PDXDC1: variants seen among roughly 807,000 people sequenced by gnomAD.
The protein encoded by PDXDC1 is pyridoxal dependent decarboxylase domain containing 1.
PDXDC1 carries 42 observed loss-of-function variants against 100.1 expected under a neutral mutation model. That is an observed-to-expected ratio of 0.42 (90% CI 0.33 to 0.54). The LOEUF is 0.54. Among genes scored for constraint, PDXDC1 ranks in the 20% least tolerant of loss-of-function variants. PDXDC1 has a pLI of 0.10. For missense variants in PDXDC1, 636 were observed against 979.2 expected, an observed-to-expected ratio of 0.65 and a Z score of 4.68; for synonymous variants, 260 against 371.7, an observed-to-expected ratio of 0.70 and a Z score of 3.46.
intron 16 of PDXDC1, chr16:15,127,349 C>A (rs1439040974): frequency 1.4e-6 from 1 of 710,784 alleles, no homozygotes; most frequent in South Asian, 1.5e-5. Context: ...TGACCCTTCC[C>A]GAGCAGCCTT....
At chr16:15,112,025 T>A (rs1386534489) in intron 16 of PDXDC1, among the ~76,000 whole-genome samples, 1 of 147,302 alleles carries the variant, frequency 6.8e-6, no homozygotes, top group African/African-American at 2.4e-5. Context: ...TTCCCTCACA[T>A]CAGCTTCGTT....
chr16:15,048,543 G>A (rs982565546), intron 16 of PDXDC1, among the ~76,000 whole-genome samples: 2 of 151,778 alleles, frequency 1.3e-5, no homozygotes, highest in Admixed American at 6.6e-5. Context: ...ACTAAAGAGT[G>A]TGAGACTCTT....
At chr16:15,078,276 G>A (rs916330947) in intron 16 of PDXDC1, among the ~76,000 whole-genome samples, 4 of 152,054 alleles carry the variant, frequency 2.6e-5, no homozygotes, top group African/African-American at 9.7e-5. Context: ...TAGCATCAAT[G>A]TTTTCCTCCA....
chr16:15,012,548 T>C (rs957420906), intron 8 of PDXDC1, among the ~76,000 whole-genome samples: 1 of 152,298 alleles, frequency 6.6e-6, no homozygotes, highest in Non-Finnish European at 1.5e-5. Context: ...CATTACTACA[T>C]GTCTGTTAGA....
chr16:15,079,996 A>C (rs2045630504), intron 16 of PDXDC1: 1 of 1,590,978 alleles, frequency 6.3e-7, no homozygotes, highest in African/African-American at 1.3e-5. Context: ...CTCAATACTT[A>C]CATCCAACTT....
intron 6 of PDXDC1, 62 bp from the exon 7 acceptor site, chr16:15,008,717 T>C: frequency 7.3e-6 from 11 of 1,513,890 alleles, no homozygotes; most frequent in East Asian, 2.3e-5. Context: ...CCACAGCCTT[T>C]CACAATCTGA....
chr16:15,132,332 GAGGGGGCAGGGGCT>G (rs1185567903), intron 16 of PDXDC1, among the ~76,000 whole-genome samples: 10 of 38,466 alleles, frequency 2.6e-4, no homozygotes, highest in Non-Finnish European at 4.5e-4. Flanking sequence ...GAGGGGAGGG[GAGGGGGCAGGGGCT>G]AGGGGAGGGG....
At chr16:15,002,732 T>TC (rs1377274817) in intron 4 of PDXDC1, among the ~76,000 whole-genome samples, 1 of 152,188 alleles carries the variant, frequency 6.6e-6, no homozygotes, top group Non-Finnish European at 1.5e-5. Context: ...CAAATTTCCC[T>TC]CCATGGAGTT....
chr16:15,044,463 G>A (rs988560794), intron 16 of PDXDC1: 20 of 1,137,420 alleles, frequency 1.8e-5, no homozygotes, highest in Non-Finnish European at 2.7e-5. Flanking sequence ...TGCGTGCGCT[G>A]GTCTCACTTT....
intron 1 of PDXDC1, among the ~76,000 whole-genome samples, chr16:14,980,794 T>C (rs1378716289): frequency 5.9e-5 from 9 of 152,286 alleles, no homozygotes; most frequent in Non-Finnish European, 1.0e-4. Context: ...GAGACGGGGT[T>C]TCGCCATGTT....
rs1331779996 is a variant in PDXDC1 at position 15,126,064 on chromosome 16, T to G, written c.1400-12815T>G. The G allele has an allele frequency of 9.3e-6, 5 of 536,070 alleles. No homozygotes were observed. The Admixed American group carries it at 1.6e-4, about 17-fold the overall frequency. The allele number at this position is 536,070 out of a possible 1,614,324, so 33.2% of individuals were successfully genotyped here. On this transcript the variant is annotated intron_variant, in intron 16 of 16. Coordinates refer to the PDXDC1 transcript ENST00000535621. ...ATTTTTTTTTTTCTTAGATGGAGTC[T>G]CGCTCTGTCACCCAGGCTGGAGTGC...
intron 16 of PDXDC1, among the ~76,000 whole-genome samples, chr16:15,128,609 G>A (rs1040816437): frequency 6.6e-6 from 1 of 152,030 alleles, no homozygotes; most frequent in Non-Finnish European, 1.5e-5. Flanking sequence ...GGAAAGAACT[G>A]TAACTTGTGA....
intron 16 of PDXDC1, chr16:15,047,960 T>C (rs1350056775): frequency 6.2e-7 from 1 of 1,604,708 alleles, no homozygotes; most frequent in African/African-American, 1.3e-5. Flanking sequence ...CCAATAGCCT[T>C]TTGGGATAAC....
At chr16:15,048,175 A>C in intron 16 of PDXDC1, 1 of 1,032,330 alleles carries the variant, frequency 9.7e-7, no homozygotes, top group Non-Finnish European at 1.5e-6. Flanking sequence ...GGAGAGAGCC[A>C]AAGTGGGCTC....
At chr16:15,074,340 G>T (rs775215387) in intron 16 of PDXDC1, among the ~76,000 whole-genome samples, 8 of 152,228 alleles carry the variant, frequency 5.3e-5, no homozygotes, top group Non-Finnish European at 8.8e-5. Flanking sequence ...TACTAACACT[G>T]GCACAACAAT....
At chr16:15,032,182 A>C (rs992075355) in intron 17 of PDXDC1, 2 of 473,184 alleles carry the variant, frequency 4.2e-6, no homozygotes, top group African/African-American at 3.8e-5. Flanking sequence ...TATATCACTC[A>C]CTGAGAATGG....
rs373013846 is a variant in PDXDC1 at position 15,036,034 on chromosome 16, G to A, written c.2126G>A (p.Arg709Lys). ...TCTGTAGGCCAGAAGCCTTTTAAAA[G>A]GTCCCTGCGAGGTTCAGATGCTTTG... ...QRLPGQKPFK[R>K]SLRGSDALSE... The change falls in exon 23 of 23, where the codon AGG becomes AAG. Residue 709 changes from arginine (R) to lysine (K), a missense_variant. This residue lies in a region of PDXDC1 where 452 missense variants were observed against 402.9 expected (regional missense o/e 1.12). Coordinates refer to ENST00000396410, the MANE Select transcript of PDXDC1 (RefSeq NM_015027.4). The A allele has an allele frequency of 2.5e-6, 4 of 1,613,258 alleles. No homozygotes were observed. In the African/African-American group the frequency reaches 5.3e-5, roughly 22 times the overall value.
rs373260335 is a variant in PDXDC1, at chr16:15,094,989, C to T, written c.1400-43890C>T. Among the ~76,000 whole-genome samples the T allele has an allele frequency of 2.0e-5, 3 of 152,198 alleles. No homozygotes were observed. In the South Asian group the frequency reaches 6.2e-4, roughly 32 times the overall value. On this transcript the variant is annotated intron_variant, in intron 16 of 16. Coordinates refer to the PDXDC1 transcript ENST00000535621. ...AGTAGCTGGGATTACAGGCGCATGCCACCACACCCGGCTAATTTTCGTATT... is the reference window on the plus strand; with the variant it reads ...AGTAGCTGGGATTACAGGCGCATGCTACCACACCCGGCTAATTTTCGTATT...
intron 19 of PDXDC1, 64 bp from the exon 20 acceptor site, chr16:15,034,222 C>T: frequency 1.4e-6 from 2 of 1,408,022 alleles, no homozygotes. Flanking sequence ...TGCTGTGTTA[C>T]TAGCTCTTCT....
Sources: gnomAD v4.1 joint callset for allele counts (sites outside exome capture counted in the v4.1 genomes callset) on GRCh38, gnomAD v4.1.1 for gene constraint, gnomAD v4.1.1 regional missense constraint, MANE v1.5 for transcripts, NCBI Gene and HGNC (gene_info 2026-07-23, HGNC 2026-07-21) for gene names.